The following SIMC1 variants were observed in gnomAD, a reference collection of about 807,000 sequenced individuals.
SIMC1 encodes SUMO-interacting motif-containing protein 1.
A neutral mutation model predicts 82.3 loss-of-function variants in SIMC1; 55 were observed. The observed-to-expected ratio is 0.67, with a 90% confidence interval of 0.54 to 0.84. SIMC1 has a LOEUF of 0.84. Among genes scored for constraint, SIMC1 ranks in the 40% least tolerant of loss-of-function variants. SIMC1 has a pLI of 0.00. For missense variants in SIMC1, 915 were observed against 1,107.2 expected (o/e 0.83, Z 2.46); for synonymous variants, 353 against 426.3 (o/e 0.83, Z 2.12).
intron 1 of SIMC1, among the ~76,000 whole-genome samples, chr5:176,288,407 T>G (rs1763390113): frequency 7.7e-6 from 1 of 129,846 alleles, no homozygotes. Context: ...AGACTCCATC[T>G]CAAGAATGAA....
rs1446513934 is a variant in SIMC1, at chr5:176,322,274, G to A, written c.1891G>A (p.Asp631Asn). 3 of 1,557,468 alleles carry A rather than the reference G, an allele frequency of 1.9e-6. No homozygotes were observed. In the South Asian group the frequency reaches 3.6e-5, roughly 18 times the overall value. Residue 631 changes from aspartate to asparagine, a missense_variant and splice_region_variant, in exon 6 of 10, where the codon GAT (aspartate) becomes AAT (asparagine). Asp to Asn is a conservative substitution (Grantham distance 23). Coordinates refer to ENST00000429602, the MANE Select transcript of SIMC1 (RefSeq NM_001308195.2). ...SCDKQPHNVR[D>N]VIKWLVKAVT... ...TTTTCTTTCTTTTTTCCATTACAGG[G>A]ATGTTATCAAGTGGCTGGTCAAAGC...
intron 1 of SIMC1, among the ~76,000 whole-genome samples, chr5:176,282,172 G>T (rs1040088864): frequency 3.9e-5 from 6 of 152,252 alleles, no homozygotes; most frequent in Admixed American, 3.9e-4. Context: ...CCGCCTTGCA[G>T]TTTGATCTCA....
Position 176,268,738 on chromosome 5 carries a change from C to T in SIMC1, c.130-20916C>T, listed in dbSNP as rs190726077. Among the ~76,000 whole-genome samples the T allele has an allele frequency of 1.2e-3, 186 of 152,298 alleles. 2 individuals are homozygous for T. In the East Asian group the frequency reaches 0.019, roughly 16 times the overall value. Reference sequence around the variant, plus strand: ...ACTACAACCGTAGTTGGACACTTTTCGCTCTGTAGTTGATAATAAAACTGG... The same window carrying T: ...ACTACAACCGTAGTTGGACACTTTTTGCTCTGTAGTTGATAATAAAACTGG... On this transcript the variant is annotated intron_variant, in intron 1 of 9. Transcript: ENST00000429602.
At chr5:176,321,680 C>G (rs1765163946) in intron 5 of SIMC1, among the ~76,000 whole-genome samples, 1 of 152,044 alleles carries the variant, frequency 6.6e-6, no homozygotes, top group African/African-American at 2.4e-5. Flanking sequence ...AAGTGTGATT[C>G]CACTGCACAC....
chr5:176,345,929 A>G lies in SIMC1; in HGVS notation c.*484A>G, dbSNP rs1297076812. On this transcript the variant is annotated 3_prime_UTR_variant, in exon 10 of 10. Transcript: ENST00000429602. ...ATAGGGGGTAGAAACAAAAGGATCA[A>G]GTGTGTTATAAAACATTTGATGTTA... is the stretch of plus-strand genomic sequence containing the variant. 2 of 152,252 alleles carry G rather than the reference A, an allele frequency of 1.3e-5. No individual in the cohort carries two copies. The highest frequency in any genetic ancestry group is 2.9e-5 in the Non-Finnish European group (2 of 68,054). The allele number at this position is 152,252 out of a possible 1,614,324, so 9.4% of individuals were successfully genotyped here.
At chr5:176,295,587 T>C (rs1763778709) in intron 3 of SIMC1, among the ~76,000 whole-genome samples, 1 of 151,998 alleles carries the variant, frequency 6.6e-6, no homozygotes, top group Non-Finnish European at 1.5e-5. Flanking sequence ...GCCTCAGTTC[T>C]GTTTTGGGGC....
rs750250279 is a variant in SIMC1 at position 176,331,065 on chromosome 5, C to G, written c.2172-5655C>G. ...TCATGGGAAAAGTTCAGCCTAATGT[C>G]AAATGAGAGATGTTCCTTGAAAAAA... is the stretch of plus-strand genomic sequence containing the variant. On this transcript the variant is annotated intron_variant, in intron 7 of 9. Transcript: ENST00000429602. 8.5e-5 allele frequency among the ~76,000 whole-genome samples: 13 copies of G among 152,086 alleles called. 1 individual carries two copies. Among genetic ancestry groups the G allele is most frequent in the Admixed American group, 6.6e-5 (1 of 15,264 alleles).
chr5:176,274,394 TC>T (rs1290674683), intron 1 of SIMC1, among the ~76,000 whole-genome samples: 2 of 151,794 alleles, frequency 1.3e-5, no homozygotes, highest in African/African-American at 4.8e-5. Context: ...CATTGTAGAT[TC>T]TGGATATTAG....
chr5:176,311,335 T>G (rs964846981), intron 4 of SIMC1, among the ~76,000 whole-genome samples: 3 of 152,156 alleles, frequency 2.0e-5, no homozygotes, highest in African/African-American at 7.2e-5. Context: ...CCTCTTGAAC[T>G]CAAGTGATCC....
chr5:176,308,488 A>G, intron 4 of SIMC1: 1 of 1,607,520 alleles, frequency 6.2e-7, no homozygotes, highest in Non-Finnish European at 8.5e-7. Flanking sequence ...CAAGCCATGT[A>G]CCAGATGATG....
intron 1 of SIMC1, among the ~76,000 whole-genome samples, chr5:176,246,261 C>G (rs1404190269): frequency 6.6e-6 from 1 of 152,078 alleles, no homozygotes. Context: ...CCACCCACCT[C>G]GACCTCCCAA....
At chr5:176,287,688 T>C (rs891740985) in intron 1 of SIMC1, among the ~76,000 whole-genome samples, 9 of 142,560 alleles carry the variant, frequency 6.3e-5, no homozygotes, top group African/African-American at 2.3e-4. Context: ...CTTAAAAAAA[T>C]AAAATAAATT....
chr5:176,287,801 A>G (rs1164049038), intron 1 of SIMC1, among the ~76,000 whole-genome samples: 2 of 152,148 alleles, frequency 1.3e-5, no homozygotes, highest in East Asian at 1.9e-4. Context: ...ATCAATATAC[A>G]TAAATCAAGT....
chr5:176,283,132 T>C (rs575795976), intron 1 of SIMC1, among the ~76,000 whole-genome samples: 2 of 152,186 alleles, frequency 1.3e-5, no homozygotes, highest in Admixed American at 6.5e-5. Context: ...TTTCCCAACC[T>C]AGCAAGGAAG....
At chr5:176,308,963 T>C in intron 4 of SIMC1, 1 of 970,568 alleles carries the variant, frequency 1.0e-6, no homozygotes, top group East Asian at 2.4e-5. Context: ...TTTGCAGGAA[T>C]TGCAACAAGA....
intron 1 of SIMC1, among the ~76,000 whole-genome samples, chr5:176,259,756 G>A (rs1761954904): frequency 6.6e-6 from 1 of 151,470 alleles, no homozygotes; most frequent in South Asian, 2.1e-4. Context: ...CTGGGCAACA[G>A]AGCAAGACTC....
chr5:176,335,131 T>G (rs1298631776), intron 7 of SIMC1, among the ~76,000 whole-genome samples: 1 of 151,884 alleles, frequency 6.6e-6, no homozygotes, highest in African/African-American at 2.4e-5. Flanking sequence ...ATCATCACAG[T>G]CCTTTGTAGT....
At chr5:176,276,026 G>C (rs1174355292) in intron 1 of SIMC1, among the ~76,000 whole-genome samples, 1 of 151,552 alleles carries the variant, frequency 6.6e-6, no homozygotes, top group Non-Finnish European at 1.5e-5. Context: ...TCTATTGATT[G>C]GAATAGTTTC....
intron 7 of SIMC1, among the ~76,000 whole-genome samples, chr5:176,336,143 G>T (rs1221621593): frequency 1.3e-5 from 2 of 151,910 alleles, no homozygotes; most frequent in African/African-American, 4.8e-5. Flanking sequence ...AAGAAAGAGA[G>T]AAATACCTCC....
Sources: allele counts gnomAD v4.1 joint callset (sites outside exome capture counted in the v4.1 genomes callset), GRCh38; gene constraint gnomAD v4.1.1; transcripts MANE v1.5; gene names NCBI Gene and HGNC (gene_info 2026-07-23, HGNC 2026-07-21).